Variants in FHIT observed in about 807,000 individuals in gnomAD.
The protein encoded by FHIT is bis(5'-adenosyl)-triphosphatase.
Under a neutral mutation model 17.9 loss-of-function variants are expected in FHIT, and 19 were observed. The observed-to-expected ratio is 1.06, with a 90% CI of 0.74 to 1.56. FHIT has a LOEUF of 1.56. FHIT is among the 40% of genes most tolerant of loss of function. The pLI is 0.00. For missense variants in FHIT, 248 were observed against 189.2 expected, an observed-to-expected ratio of 1.31 and a Z score of -1.82; for synonymous variants, 81 against 69.7, an observed-to-expected ratio of 1.16 and a Z score of -0.81.
rs113288886 is a variant in FHIT, at chr3:60,447,101, G to A, written c.103+89759C>T. Among the ~76,000 whole-genome samples the A allele has an allele frequency of 4.6e-3, 703 of 152,034 alleles. 4 individuals carry two copies. Among genetic ancestry groups the A allele is most frequent in the African/African-American group, 0.016 (673 of 41,484 alleles). The stretch of plus-strand genomic sequence containing the variant: ...CAACTGCTCCTTGAGCCAAAACCCA[G>A]CAAATTCCCTGAAGGGAAAAGCAGC... On this transcript the variant is annotated intron_variant, in intron 5 of 9. Coordinates refer to ENST00000492590, the MANE Select transcript of FHIT (RefSeq NM_002012.4).
chr3:60,010,361 C>G (rs139480029), intron 7 of FHIT, among the ~76,000 whole-genome samples: 2 of 152,134 alleles, frequency 1.3e-5, no homozygotes, highest in Non-Finnish European at 2.9e-5. Flanking sequence ...TTTGGTAGCC[C>G]ATATGGTGGC....
chr3:61,089,598 T>A (rs533722305), intron 2 of FHIT, among the ~76,000 whole-genome samples: 124 of 152,294 alleles, frequency 8.1e-4, no homozygotes, highest in Non-Finnish European at 1.4e-3. Flanking sequence ...AAATATTTGT[T>A]TGAAACACAT....
intron 5 of FHIT, among the ~76,000 whole-genome samples, chr3:60,167,802 A>T (rs1440947911): frequency 6.6e-6 from 1 of 152,192 alleles, no homozygotes; most frequent in African/African-American, 2.4e-5. Context: ...TGGGAGGCTA[A>T]GGCAGATCAG....
intron 5 of FHIT, among the ~76,000 whole-genome samples, chr3:60,519,504 C>G (rs184380780): frequency 3.2e-4 from 49 of 152,240 alleles, no homozygotes; most frequent in Middle Eastern, 6.8e-3. Flanking sequence ...CTATTGTTGA[C>G]TGGAAGCCTT....
intron 5 of FHIT, among the ~76,000 whole-genome samples, chr3:60,522,729 C>T (rs1033922492): frequency 2.6e-5 from 4 of 152,186 alleles, no homozygotes; most frequent in South Asian, 4.1e-4. Flanking sequence ...CACAGAAAAT[C>T]GCCTGATCTC....
chr3:60,603,962 GGTAATA>G (rs1170311549), intron 4 of FHIT, among the ~76,000 whole-genome samples: 2 of 152,008 alleles, frequency 1.3e-5, no homozygotes, highest in African/African-American at 2.4e-5. Flanking sequence ...GTAACTATAA[GGTAATA>G]ATAATAATGG....
chr3:60,533,388 G>T (rs537237362), intron 5 of FHIT, among the ~76,000 whole-genome samples: 1 of 152,240 alleles, frequency 6.6e-6, no homozygotes, highest in East Asian at 1.9e-4. Context: ...TGGATGCTAA[G>T]AAAAAAGAGA....
chr3:59,824,985 A>C (rs1700925399), intron 8 of FHIT, among the ~76,000 whole-genome samples: 1 of 152,198 alleles, frequency 6.6e-6, no homozygotes, highest in African/African-American at 2.4e-5. Context: ...ACTTCTGCAA[A>C]GAGGTTTTCA....
rs60941309 is a variant in FHIT, at chr3:60,668,371, GAAA to G, written c.-17-131395_-17-131393del. On this transcript the variant is annotated intron_variant, in intron 4 of 9. Transcript: ENST00000492590. ...TCCAGAGGGACATCCGCTCAATCAG[GAAA>G]AAAAAAAAAAAAAAAAAAAAAAATC... 2.8e-3 allele frequency among the ~76,000 whole-genome samples: 193 copies of G among 68,012 alleles called. 2 individuals are homozygous for G. The highest frequency in any genetic ancestry group is 0.011 in the African/African-American group (186 of 17,452). The allele number at this position is 68,012 out of a possible 152,430, so 44.6% of individuals were successfully genotyped here. A position where few individuals can be genotyped will look rare whatever the true frequency, so the allele number is the denominator to read the frequency against.
chr3:60,638,644 T>A (rs531834440), intron 4 of FHIT, among the ~76,000 whole-genome samples: 34 of 152,278 alleles, frequency 2.2e-4, no homozygotes, highest in African/African-American at 8.2e-4. Flanking sequence ...AGTTCAGGAA[T>A]CTTTTCATTT....
At position 60,387,879 on chromosome 3, in the gene FHIT, G is replaced by A. The variant is rs138105241; in HGVS notation, c.103+148981C>T. The stretch of plus-strand genomic sequence containing the variant: ...TGACAGGTGTTTGGGTCCCAGGGGC[G>A]GATCCCACAGAGATGGTTTGGTGCT... On this transcript the variant is annotated intron_variant, in intron 5 of 9. Coordinates refer to ENST00000492590, the MANE Select transcript of FHIT (RefSeq NM_002012.4). Among the ~76,000 whole-genome samples, 299 of 152,154 alleles carry A rather than the reference G, an allele frequency of 2.0e-3. 3 individuals are homozygous for A. In the South Asian group the frequency reaches 0.021, roughly 11 times the overall value.
chr3:60,763,745 A>T (rs782689606), intron 4 of FHIT, among the ~76,000 whole-genome samples: 18 of 152,236 alleles, frequency 1.2e-4, no homozygotes, highest in Admixed American at 3.9e-4. Flanking sequence ...CAGCATATAC[A>T]CAAATCAAGA....
At chr3:60,218,794 C>A (rs1300079816) in intron 5 of FHIT, among the ~76,000 whole-genome samples, 2 of 152,120 alleles carry the variant, frequency 1.3e-5, no homozygotes, top group African/African-American at 4.8e-5. Context: ...CTGCATCTGA[C>A]AGCTAAGTAA....
intron 5 of FHIT, among the ~76,000 whole-genome samples, chr3:60,140,340 C>T (rs1158640719): frequency 1.3e-5 from 2 of 152,094 alleles, no homozygotes; most frequent in African/African-American, 2.4e-5. Flanking sequence ...GGTATGACCT[C>T]AGCCCTGGGG....
At chr3:60,626,015 T>C (rs531439379) in intron 4 of FHIT, among the ~76,000 whole-genome samples, 9 of 152,350 alleles carry the variant, frequency 5.9e-5, no homozygotes, top group East Asian at 5.8e-4. Flanking sequence ...TGAATTGTCT[T>C]GGCAGCACTT....
intron 8 of FHIT, among the ~76,000 whole-genome samples, chr3:59,821,535 A>C (rs1700788260): frequency 6.6e-6 from 1 of 152,178 alleles, no homozygotes; most frequent in Admixed American, 6.5e-5. Context: ...TGGGATGCTA[A>C]CTGGAATCAC....
At chr3:60,163,353 C>A (rs1400916147) in intron 5 of FHIT, among the ~76,000 whole-genome samples, 2 of 152,098 alleles carry the variant, frequency 1.3e-5, no homozygotes, top group African/African-American at 2.4e-5. Flanking sequence ...CTTGAACTCC[C>A]CTTACATCTC....
intron 4 of FHIT, among the ~76,000 whole-genome samples, chr3:60,682,540 A>T (rs532088354): frequency 1.3e-5 from 2 of 152,316 alleles, no homozygotes; most frequent in Non-Finnish European, 2.9e-5. Flanking sequence ...ATGACAGTAC[A>T]TCTGTTTATA....
chr3:59,920,084 G>T (rs774511069), intron 8 of FHIT, among the ~76,000 whole-genome samples: 9 of 152,196 alleles, frequency 5.9e-5, no homozygotes, highest in Admixed American at 4.6e-4. Context: ...TTTGAATCTG[G>T]TTCTCTATTT....
Sources: gnomAD v4.1 joint callset for allele counts (sites outside exome capture counted in the v4.1 genomes callset) on GRCh38, gnomAD v4.1.1 for gene constraint, MANE v1.5 for transcripts, NCBI Gene and HGNC (gene_info 2026-07-23, HGNC 2026-07-21) for gene names.